Variants in CCDC120 observed in about 807,000 individuals in gnomAD.
CCDC120 encodes coiled-coil domain-containing protein 120.
CCDC120 carries 16 observed loss-of-function variants against 37.6 expected under a neutral mutation model. That is an observed-to-expected ratio of 0.43 (90% confidence interval 0.29 to 0.65). The LOEUF (loss-of-function observed/expected upper bound fraction) is 0.65, where lower values mean the gene tolerates loss of function less well. Ranked by LOEUF, CCDC120 falls within the 30% of genes least tolerant of loss-of-function variation. The probability of loss-of-function intolerance (pLI) is 0.18; values close to 1 mark genes in which losing one functional copy is unlikely to be tolerated. For missense variants in CCDC120, 650 were observed against 657.4 expected (o/e 0.99, Z 0.12); for synonymous variants, 309 against 275.4 (o/e 1.12, Z -1.21).
chrX:49,067,860 A>G lies in CCDC120; in HGVS notation c.1746A>G (p.Glu582=). The change falls in exon 10 of 11, where the codon GAA becomes GAG. Residue 582 remains glutamate, a synonymous_variant. Transcript: ENST00000603986. Reference sequence around the variant, plus strand: ...CCACCCGTATCCCCTCGGCTGGTGAACGCAGTGGCCACAAGAACCTGGCTC... The same window carrying G: ...CCACCCGTATCCCCTCGGCTGGTGAGCGCAGTGGCCACAAGAACCTGGCTC... ...PPPTRIPSAG[E]RSGHKNLALE... The G allele has an allele frequency of 8.5e-7, 1 of 1,172,780 alleles. No homozygotes were observed. Among genetic ancestry groups the G allele is most frequent in the African/African-American group, 1.8e-5 (1 of 56,727 alleles).
In CCDC120 at chrX:49,063,751, T is replaced by C. The variant is rs782644475; in HGVS notation, c.289-110T>C. The C allele has an allele frequency of 1.3e-5, 11 of 870,830 alleles. No homozygotes were observed. The South Asian group carries it at 3.0e-4, about 24-fold the overall frequency. 71.8% of individuals were successfully genotyped at this position (870,830 alleles called of 1,213,427 possible). A position where few individuals can be genotyped will look rare whatever the true frequency, so the allele number is the denominator to read the frequency against. On this transcript the variant is annotated intron_variant, in intron 4 of 10. Coordinates refer to ENST00000603986, the MANE Select transcript of CCDC120 (RefSeq NM_001163321.4). ...GGAGGGGAGTATCGTGCGTGGTTGC[T>C]GAGCAGGGCCAGGCTCCTGGTAGGA...
At chrX:49,065,892 C>A in intron 9 of CCDC120, 47 bp downstream of exon 9, 1 of 1,058,485 alleles carries the variant, frequency 9.4e-7, no homozygotes, top group Non-Finnish European at 1.3e-6. Context: ...GGGAGGGAAC[C>A]ATTAGTTCTC....
chrX:49,062,621 G>A lies in CCDC120; in HGVS notation c.288+20G>A. 8.3e-7 allele frequency: 1 copy of A among 1,198,703 alleles called. No homozygotes were observed. The highest frequency in any genetic ancestry group is 1.1e-6 in the Non-Finnish European group (1 of 890,009). On this transcript the variant is annotated intron_variant, in intron 4 of 10. Coordinates refer to ENST00000603986, the MANE Select transcript of CCDC120 (RefSeq NM_001163321.4). ...GAGGCGGTGAGGGCCTGGCCCTAGG[G>A]GTATCAGGCGGGGAGGTTGGGAGGA...
In CCDC120 at chrX:49,067,435, G is replaced by C. The variant is rs1341696225; in HGVS notation, c.1321G>C (p.Ala441Pro). 1.5e-5 allele frequency: 18 copies of C among 1,191,809 alleles called. No homozygotes were observed. The African/African-American group carries it at 2.8e-4, about 19-fold the overall frequency. Reference sequence around the variant, plus strand: ...GTATGAGCGCCCCCAACCAACCCCTGCCTTCTCCTCCCGCACAGCAGGCCC... The same window carrying C: ...GTATGAGCGCCCCCAACCAACCCCTCCCTTCTCCTCCCGCACAGCAGGCCC... ...VLYERPQPTP[A>P]FSSRTAGPPD... is the part of the protein sequence containing the mutation. Residue 441 changes from alanine (A) to proline (P), a missense_variant, in exon 10 of 11, where the codon GCC (alanine) becomes CCC (proline). Physicochemically the swap from Ala to Pro is conservative, Grantham distance 27. Transcript: ENST00000603986.
At chrX:49,059,700 G>A (rs1283527155) in intron 1 of CCDC120, among the ~76,000 whole-genome samples, 1 of 112,453 alleles carries the variant, frequency 8.9e-6, no homozygotes, top group Non-Finnish European at 1.9e-5. Context: ...TTTCTTTCTC[G>A]GCTGTGGTGT....
At chrX:49,065,195 C>T (rs1464303603) in intron 7 of CCDC120, 97 bp downstream of exon 7, 1 of 870,092 alleles carries the variant, frequency 1.1e-6, no homozygotes, top group Non-Finnish European at 1.7e-6. Flanking sequence ...ATCAGCCCAT[C>T]CTTTGATGCC....
rs782620989 is a variant in CCDC120, at chrX:49,063,963, C to T, written c.391C>T (p.His131Tyr). ...PPTARAYPPPHPNQAHHSLCP... is the reference protein window; with the variant it reads ...PPTARAYPPPYPNQAHHSLCP... ...CACAGCCCGCGCCTACCCTCCACCG[C>T]ACCCCAACCAAGCACACCACTCCTT... is the stretch of plus-strand genomic sequence containing the variant. The change falls in exon 5 of 11, where the codon CAC (histidine) becomes TAC (tyrosine). Residue 131 changes from histidine to tyrosine, a missense_variant. By Grantham distance (83) the His-to-Tyr change is moderately conservative. This residue lies in a region of CCDC120 where 576 missense variants were observed against 565.3 expected (regional missense o/e 1.02). Coordinates refer to ENST00000603986, the MANE Select transcript of CCDC120 (RefSeq NM_001163321.4). 2.5e-6 allele frequency: 3 copies of T among 1,205,556 alleles called. No individual in the cohort carries two copies. The highest frequency in any genetic ancestry group is 6.0e-5 in the East Asian group (2 of 33,573).
chrX:49,067,301 C>G lies in CCDC120; in HGVS notation c.1187C>G (p.Ser396Cys). ...FVARTRRSNS[S>C]EALLVDRAAG... ...GCTCGCACCCGCCGCAGCAACAGTT[C>G]TGAGGCCCTGCTGGTGGACCGGGCC... Residue 396 changes from serine to cysteine, a missense_variant, in exon 10 of 11, where the codon TCT becomes TGT. Transcript: ENST00000603986. The G allele has an allele frequency of 8.3e-7, 1 of 1,210,883 alleles. No individual in the cohort carries two copies. The highest frequency in any genetic ancestry group is 1.1e-6 in the Non-Finnish European group (1 of 895,235).
upstream of CCDC120, among the ~76,000 whole-genome samples, chrX:49,054,891 C>T (rs2064821203): frequency 9.0e-6 from 1 of 111,337 alleles, no homozygotes; most frequent in Non-Finnish European, 1.9e-5. Context: ...CTTACCATGC[C>T]CCTCCACCCT....
At chrX:49,053,867 G>C (rs2064814374) in exon 1 of CCDC120, 1 of 112,848 alleles carries the variant, frequency 8.9e-6, no homozygotes, top group Non-Finnish European at 1.9e-5. Context: ...ACTGCGGCGC[G>C]GGGACCCTTG....
upstream of CCDC120, among the ~76,000 whole-genome samples, chrX:49,054,189 C>T (rs1227713471): frequency 1.8e-5 from 2 of 111,133 alleles, no homozygotes; most frequent in African/African-American, 3.3e-5. Context: ...TTTGACCTGA[C>T]CCTGATCCTT....
chrX:49,062,182 G>A (rs782358865), intron 2 of CCDC120, 53 bp from the exon 3 acceptor site: 2 of 1,178,616 alleles, frequency 1.7e-6, no homozygotes, highest in Admixed American at 5.0e-5. Context: ...AGGGCTGGGG[G>A]TTGGGGTATC....
upstream of CCDC120, among the ~76,000 whole-genome samples, chrX:49,054,185 C>T (rs193011469): frequency 1.8e-5 from 2 of 111,189 alleles, no homozygotes; most frequent in East Asian, 5.7e-4. Flanking sequence ...GATCTTTGAC[C>T]TGACCCTGAT....
chrX:49,064,587 C>T lies in CCDC120; in HGVS notation c.647C>T (p.Pro216Leu). Reference protein sequence around the residue: ...LGLPVLPLPQPLPLSTGSVIT... With the variant: ...LGLPVLPLPQLLPLSTGSVIT... ...CTCCCAGTGCTCCCGCTGCCCCAGC[C>T]ACTGCCACTGTCCACGGGGTCAGTG... Residue 216 changes from proline to leucine, a missense_variant, in exon 6 of 11, where the codon CCA becomes CTA. By Grantham distance (98) the Pro-to-Leu change is moderately conservative. This residue lies in a region of CCDC120 where 576 missense variants were observed against 565.3 expected (regional missense o/e 1.02). Coordinates refer to ENST00000603986, the MANE Select transcript of CCDC120 (RefSeq NM_001163321.4). 1 of 1,187,494 alleles carries T rather than the reference C, an allele frequency of 8.4e-7. No individual in the cohort carries two copies. The highest frequency in any genetic ancestry group is 1.1e-6 in the Non-Finnish European group (1 of 883,088).
At position 49,060,427 on chromosome X, in the gene CCDC120, C is replaced by CAAAAAAAAAAAAA. The variant is rs58827125; in HGVS notation, c.-84+1348_-84+1360dup. ...AAGTGACAGAGCCAGGCCCTATCTC[C>CAAAAAAAAAAAAA]AAAAAAAAAAAAAAAAAAAAAAAAA... On this transcript the variant is annotated intron_variant, in intron 1 of 10. Transcript: ENST00000603986. Among the ~76,000 whole-genome samples, 404 of 42,092 alleles carry CAAAAAAAAAAAAA rather than the reference C, an allele frequency of 9.6e-3. 36 individuals are homozygous for CAAAAAAAAAAAAA. Among genetic ancestry groups the CAAAAAAAAAAAAA allele is most frequent in the East Asian group, 0.021 (12 of 585 alleles). 36.6% of individuals were successfully genotyped at this position (42,092 alleles called of 115,157 possible).
At chrX:49,056,728 A>G (rs1304166082), upstream of CCDC120, among the ~76,000 whole-genome samples, 1 of 110,891 alleles carries the variant, frequency 9.0e-6, no homozygotes, top group Non-Finnish European at 1.9e-5. Flanking sequence ...CAACTGTTTC[A>G]AATGTATCAA....
rs189677756 is a variant in CCDC120, at chrX:49,067,057, T to C, written c.1062-119T>C. On this transcript the variant is annotated intron_variant, in intron 9 of 10. Coordinates refer to ENST00000603986, the MANE Select transcript of CCDC120 (RefSeq NM_001163321.4). ...CCTTTATACACACAGCTTCCAACCTTGGGCCCATTTGGAGATGTGAAAGTG... is the reference window on the plus strand; with the variant it reads ...CCTTTATACACACAGCTTCCAACCTCGGGCCCATTTGGAGATGTGAAAGTG... The C allele has an allele frequency of 6.6e-4, 403 of 611,428 alleles. 5 individuals are homozygous for C. The East Asian group carries it at 0.014, about 22-fold the overall frequency. The allele number at this position is 611,428 out of a possible 1,213,427, so 50.4% of individuals were successfully genotyped here.
At chrX:49,056,491 G>T (rs1261115002), upstream of CCDC120, among the ~76,000 whole-genome samples, 2 of 109,372 alleles carry the variant, frequency 1.8e-5, no homozygotes, top group Non-Finnish European at 3.8e-5. Context: ...GCTGGGTGTG[G>T]TGGCACGCAC....
rs1557080504 is a variant in CCDC120, at chrX:49,064,520, G to A, written c.580G>A (p.Glu194Lys). 8.5e-7 allele frequency: 1 copy of A among 1,182,282 alleles called. No individual in the cohort carries two copies. Among genetic ancestry groups the A allele is most frequent in the Non-Finnish European group, 1.1e-6 (1 of 880,803 alleles). ...VQADALRRLH[E>K]LEEQLRDVRA... ...GGCAGATGCACTGAGGAGGCTGCATGAGCTAGAGGAGCAGCTCAGGGATGT... is the reference window on the plus strand; with the variant it reads ...GGCAGATGCACTGAGGAGGCTGCATAAGCTAGAGGAGCAGCTCAGGGATGT... The change falls in exon 6 of 11, where the codon GAG becomes AAG. Residue 194 changes from glutamate (E) to lysine (K), a missense_variant. Coordinates refer to ENST00000603986, the MANE Select transcript of CCDC120 (RefSeq NM_001163321.4).
Sources: gnomAD v4.1 joint callset for allele counts (sites outside exome capture counted in the v4.1 genomes callset) on GRCh38, gnomAD v4.1.1 for gene constraint, gnomAD v4.1.1 regional missense constraint, MANE v1.5 for transcripts, NCBI Gene and HGNC (gene_info 2026-07-23, HGNC 2026-07-21) for gene names.